Variants in CENPK observed in about 807,000 individuals in gnomAD.
CENPK encodes centromere protein K, also known as SoxLZ/Sox6-binding protein Solt.
Under a neutral mutation model 40.9 loss-of-function variants are expected in CENPK, and 46 were observed. The ratio of observed to expected loss-of-function variants is 1.13; its 90% confidence interval spans 0.89 to 1.44. The LOEUF is 1.44. Among genes scored for constraint, CENPK ranks in the 40% most tolerant of loss-of-function variants. CENPK has a pLI of 0.00. For synonymous variants in CENPK, 107 were observed against 104.4 expected, an observed-to-expected ratio of 1.02 and a Z score of -0.15; for missense variants, 288 against 303.5, an observed-to-expected ratio of 0.95 and a Z score of 0.38.
chr5:65,541,479 TG>T (rs1478165821), intron 6 of CENPK: 1 of 456,242 alleles, frequency 2.2e-6, no homozygotes, highest in East Asian at 6.9e-5. Flanking sequence ...CCACACATTT[TG>T]GTAACCAGAG....
In CENPK at chr5:65,529,122, T is replaced by C. The variant is rs1434037126; in HGVS notation, c.366A>G (p.Leu122=). Residue 122 remains leucine (L), a synonymous_variant, in exon 7 of 11, where the codon TTA becomes TTG. Transcript: ENST00000396679. The part of the protein sequence containing the change: ...ESKNEKLKED[L]EREQRWLDEQ... ...TAATTGTAACATAAACAAACCTTTCTAAGTCTTCCTTTAACTTTTCATTCT... is the reference window on the plus strand; with the variant it reads ...TAATTGTAACATAAACAAACCTTTCCAAGTCTTCCTTTAACTTTTCATTCT... The C allele has an allele frequency of 6.2e-7, 1 of 1,602,866 alleles. No individual in the cohort carries two copies.
At chr5:65,532,904 C>A (rs1158438619) in intron 6 of CENPK, among the ~76,000 whole-genome samples, 2 of 38,758 alleles carry the variant, frequency 5.2e-5, no homozygotes, top group African/African-American at 9.1e-5. Flanking sequence ...AGCGAAACTC[C>A]ATCTCCAAAA....
chr5:65,540,874 C>G (rs1270424608), intron 6 of CENPK, among the ~76,000 whole-genome samples: 1 of 150,370 alleles, frequency 6.7e-6, no homozygotes, highest in South Asian at 2.1e-4. Flanking sequence ...GTGACGCGAT[C>G]ATGGCTCACT....
At chr5:65,545,320 GCGCGCACACACACACACACACA>G (rs1334219388) in intron 5 of CENPK, among the ~76,000 whole-genome samples, 2 of 34,584 alleles carry the variant, frequency 5.8e-5, no homozygotes, top group Non-Finnish European at 9.8e-5. Flanking sequence ...AGTCCTCAAA[GCGCGCACACACACACACACACA>G]CACACACACA....
At chr5:65,497,013 C>T in the CENPK span, among the ~76,000 whole-genome samples, 38 of 151,886 alleles carry the variant, frequency 2.5e-4, no homozygotes, top group Non-Finnish European at 1.6e-4. Context: ...GCTAAGATCA[C>T]GCCACTGCAC....
At chr5:65,512,631 CTACAG>C in the CENPK span, among the ~76,000 whole-genome samples, 2 of 152,172 alleles carry the variant, frequency 1.3e-5, no homozygotes. Context: ...AGTTACTAGA[CTACAG>C]TATAGTATAA....
intron 2 of CENPK, among the ~76,000 whole-genome samples, chr5:65,558,639 G>A (rs746780407): frequency 2.0e-5 from 3 of 152,180 alleles, no homozygotes; most frequent in Non-Finnish European, 4.4e-5. Flanking sequence ...GGATTATTCA[G>A]TAGTAGCATT....
intron 2 of CENPK, among the ~76,000 whole-genome samples, chr5:65,559,000 T>C (rs1751454588): frequency 6.6e-6 from 1 of 152,188 alleles, no homozygotes; most frequent in Non-Finnish European, 1.5e-5. Context: ...TAGAGTCTGG[T>C]GGCATAAGAT....
chr5:65,537,506 G>A (rs973645332), intron 6 of CENPK, among the ~76,000 whole-genome samples: 21 of 152,076 alleles, frequency 1.4e-4, no homozygotes, highest in Admixed American at 9.2e-4. Context: ...GGGTTTCGCC[G>A]TGCTAGCCAG....
intron 6 of CENPK, among the ~76,000 whole-genome samples, chr5:65,530,569 C>T (rs1745611540): frequency 6.6e-6 from 1 of 152,170 alleles, no homozygotes; most frequent in Admixed American, 6.6e-5. Context: ...ACTAGTGTTC[C>T]ATTCTCCTGA....
At chr5:65,533,537 G>A (rs761797186) in intron 6 of CENPK, among the ~76,000 whole-genome samples, 14 of 151,910 alleles carry the variant, frequency 9.2e-5, no homozygotes, top group East Asian at 5.8e-4. Flanking sequence ...CATTCTTACC[G>A]TTTCTATTCA....
At chr5:65,548,823 T>C (rs935864105) in intron 5 of CENPK, among the ~76,000 whole-genome samples, 4 of 152,170 alleles carry the variant, frequency 2.6e-5, no homozygotes, top group African/African-American at 9.7e-5. Flanking sequence ...TAATTCTAGT[T>C]AGATACTTCT....
the CENPK span, among the ~76,000 whole-genome samples, chr5:65,497,965 A>G: frequency 6.6e-6 from 1 of 152,222 alleles, no homozygotes; most frequent in Non-Finnish European, 1.5e-5. Flanking sequence ...AGTTTGTAAC[A>G]TCTGTCAAAA....
intron 6 of CENPK, 69 bp downstream of exon 6, chr5:65,542,733 A>G: frequency 8.5e-7 from 1 of 1,182,382 alleles, no homozygotes; most frequent in Non-Finnish European, 1.2e-6. Flanking sequence ...TTCTTATGCC[A>G]TGAACTTATC....
At position 65,552,522 on chromosome 5, in the gene CENPK, T is replaced by C. The variant is rs745593902; in HGVS notation, c.139A>G (p.Thr47Ala). 1.3e-5 allele frequency: 20 copies of C among 1,556,094 alleles called. No individual in the cohort carries two copies. In the East Asian group the frequency reaches 2.6e-4, roughly 21 times the overall value. Residue 47 changes from threonine to alanine, a missense_variant, in exon 4 of 11, where the codon ACT (threonine) becomes GCT (alanine). By Grantham distance (58) the Thr-to-Ala change is moderately conservative (BLOSUM62 0). Coordinates refer to ENST00000396679, the MANE Select transcript of CENPK (RefSeq NM_022145.5). Reference sequence around the variant, plus strand: ...GCATTTGAATCGGTGAGTGTTTCAGTTCCAATAAGTGATAATTTATTCTGA... The same window carrying C: ...GCATTTGAATCGGTGAGTGTTTCAGCTCCAATAAGTGATAATTTATTCTGA... ...ECQNKLSLIG[T>A]ETLTDSNAQL...
chr5:65,499,084 T>G, the CENPK span, among the ~76,000 whole-genome samples: 10 of 151,358 alleles, frequency 6.6e-5, no homozygotes, highest in Admixed American at 5.3e-4. Context: ...TATCTTGAAC[T>G]CCAGGCTTCA....
intron 5 of CENPK, among the ~76,000 whole-genome samples, chr5:65,548,941 C>T (rs994314930): frequency 1.3e-5 from 2 of 152,150 alleles, no homozygotes; most frequent in Non-Finnish European, 2.9e-5. Context: ...CCATAAATCA[C>T]ACATGTTCTT....
At chr5:65,547,470 G>A (rs370977872) in intron 5 of CENPK, among the ~76,000 whole-genome samples, 6 of 151,782 alleles carry the variant, frequency 4.0e-5, no homozygotes, top group South Asian at 4.2e-4. Flanking sequence ...TAAGACATAC[G>A]GTTGAAGACA....
intron 7 of CENPK, 38 bp downstream of exon 7, chr5:65,529,079 T>C: frequency 6.5e-7 from 1 of 1,537,962 alleles, no homozygotes; most frequent in Non-Finnish European, 8.9e-7. Context: ...TCACTTAATA[T>C]ATATGAATGA....
Sources: gnomAD v4.1 joint callset for allele counts (sites outside exome capture counted in the v4.1 genomes callset) on GRCh38, gnomAD v4.1.1 for gene constraint, MANE v1.5 for transcripts, NCBI Gene and HGNC (gene_info 2026-07-23, HGNC 2026-07-21) for gene names.